MIR2052HG: variants seen among roughly 807,000 people sequenced by gnomAD.
MIR2052HG encodes MIR2052 host gene.
At chr8:74,619,130 A>C (rs1218875533) in intron 2 of MIR2052HG, among the ~76,000 whole-genome samples, 1 of 152,218 alleles carries the variant, frequency 6.6e-6, no homozygotes, top group African/African-American at 2.4e-5. Flanking sequence ...TGAAGAAGAC[A>C]CAAATAAAAA....
At chr8:74,705,291 T>C (rs186558681) in intron 4 of MIR2052HG, among the ~76,000 whole-genome samples, 24 of 152,240 alleles carry the variant, frequency 1.6e-4, no homozygotes, top group Admixed American at 1.6e-3. Flanking sequence ...GCAGACATTT[T>C]TTTTTCTAGT....
At chr8:74,675,023 A>C (rs1277064870) in intron 2 of MIR2052HG, among the ~76,000 whole-genome samples, 2 of 152,022 alleles carry the variant, frequency 1.3e-5, no homozygotes, top group Non-Finnish European at 2.9e-5. Context: ...TATATCTTTC[A>C]AGAGTATACA....
chr8:74,683,369 G>C (rs752526756), intron 2 of MIR2052HG, among the ~76,000 whole-genome samples: 3 of 152,046 alleles, frequency 2.0e-5, no homozygotes, highest in Non-Finnish European at 4.4e-5. Context: ...ATATTAGTTG[G>C]AAATGGAAGT....
chr8:74,753,113 C>A (rs1012618253), intron 5 of MIR2052HG, among the ~76,000 whole-genome samples: 2 of 152,170 alleles, frequency 1.3e-5, no homozygotes, highest in Non-Finnish European at 2.9e-5. Flanking sequence ...ACTAGGTTAG[C>A]TCTACTAGCT....
At chr8:74,634,232 G>T (rs1181067551) in intron 2 of MIR2052HG, among the ~76,000 whole-genome samples, 1 of 152,172 alleles carries the variant, frequency 6.6e-6, no homozygotes, top group Non-Finnish European at 1.5e-5. Context: ...TTTCAGTTTA[G>T]GTTGGAGAAA....
At chr8:74,681,738 C>T (rs981632230) in intron 2 of MIR2052HG, among the ~76,000 whole-genome samples, 1 of 152,122 alleles carries the variant, frequency 6.6e-6, no homozygotes, top group Non-Finnish European at 1.5e-5. Context: ...TGGGATAACT[C>T]ATCATGTTCT....
intron 2 of MIR2052HG, among the ~76,000 whole-genome samples, chr8:74,619,404 C>T (rs1384223373): frequency 6.6e-6 from 1 of 152,148 alleles, no homozygotes; most frequent in Non-Finnish European, 1.5e-5. Context: ...CAGCATGGTA[C>T]TGGCAAAAAC....
intron 2 of MIR2052HG, among the ~76,000 whole-genome samples, chr8:74,621,731 C>G (rs1808363686): frequency 6.6e-6 from 1 of 152,172 alleles, no homozygotes; most frequent in Non-Finnish European, 1.5e-5. Context: ...AGAGCCAAAC[C>G]ATGTCACCAC....
chr8:74,686,062 C>T (rs535421073), intron 2 of MIR2052HG, among the ~76,000 whole-genome samples: 37 of 151,492 alleles, frequency 2.4e-4, no homozygotes, highest in Middle Eastern at 3.2e-3. Flanking sequence ...AAATGATTCT[C>T]GACAGAAGTT....
At chr8:74,740,168 C>T (rs1163518293) in intron 4 of MIR2052HG, among the ~76,000 whole-genome samples, 3 of 152,012 alleles carry the variant, frequency 2.0e-5, no homozygotes, top group African/African-American at 7.2e-5. Context: ...TTTCATTCAA[C>T]AAAAAATTGT....
At chr8:74,650,204 C>A (rs1808737237) in intron 2 of MIR2052HG, among the ~76,000 whole-genome samples, 1 of 152,134 alleles carries the variant, frequency 6.6e-6, no homozygotes, top group Admixed American at 6.6e-5. Context: ...TAAAGGCAGA[C>A]AATTTCATCA....
chr8:74,617,126 A>G (rs914455540), intron 2 of MIR2052HG, among the ~76,000 whole-genome samples: 2 of 152,316 alleles, frequency 1.3e-5, no homozygotes, highest in East Asian at 1.9e-4. Context: ...GAGTACAAGT[A>G]TGGATTTCTT....
chr8:74,622,724 A>G (rs2128732906), intron 2 of MIR2052HG, among the ~76,000 whole-genome samples: 1 of 152,322 alleles, frequency 6.6e-6, no homozygotes, highest in African/African-American at 2.4e-5. Context: ...ATTATTAAAA[A>G]GAGAAACAAT....
chr8:74,677,550 A>G (rs1428017919), intron 2 of MIR2052HG, among the ~76,000 whole-genome samples: 2 of 152,132 alleles, frequency 1.3e-5, no homozygotes, highest in African/African-American at 2.4e-5. Context: ...AAAAATTAAC[A>G]TATCAAAAAC....
chr8:74,737,458 G>A (rs1287080198), intron 4 of MIR2052HG, among the ~76,000 whole-genome samples: 1 of 152,038 alleles, frequency 6.6e-6, no homozygotes, highest in East Asian at 1.9e-4. Context: ...TTCTTTACTT[G>A]CTTTGTTGGG....
chr8:74,637,020 A>G (rs924118917), intron 2 of MIR2052HG, among the ~76,000 whole-genome samples: 2 of 152,158 alleles, frequency 1.3e-5, no homozygotes, highest in African/African-American at 4.8e-5. Flanking sequence ...TAATGGGGTC[A>G]TTAGGCACAT....
At chr8:74,692,359 C>T (rs1809248441) in intron 2 of MIR2052HG, among the ~76,000 whole-genome samples, 1 of 152,046 alleles carries the variant, frequency 6.6e-6, no homozygotes, top group Non-Finnish European at 1.5e-5. Context: ...CCCAAAGTGC[C>T]CAGCCTGAAT....
chr8:74,694,589 A>G lies in MIR2052HG; in HGVS notation n.217-7790A>G, dbSNP rs977511574. Among the ~76,000 whole-genome samples, 8 of 152,226 alleles carry G rather than the reference A, an allele frequency of 5.3e-5. No individual in the cohort carries two copies. In the South Asian group the frequency reaches 1.7e-3, roughly 31 times the overall value. ...AGGTGAATATCAACTTAAATTAAAA[A>G]ATGTTACAGGATATGGATGGAAAAA... On this transcript the variant is annotated intron_variant and non_coding_transcript_variant, in intron 2 of 6. Transcript: ENST00000523442.
At chr8:74,682,348 G>A (rs949140938) in intron 2 of MIR2052HG, among the ~76,000 whole-genome samples, 2 of 151,928 alleles carry the variant, frequency 1.3e-5, no homozygotes, top group Admixed American at 6.6e-5. Flanking sequence ...ACATCACAAA[G>A]ACTAAAACGT....
Sources: gnomAD v4.1 joint callset for allele counts (sites outside exome capture counted in the v4.1 genomes callset) on GRCh38, gnomAD v4.1.1 for gene constraint, MANE v1.5 for transcripts, NCBI Gene and HGNC (gene_info 2026-07-23, HGNC 2026-07-21) for gene names.